TNRC6A: variants seen among roughly 807,000 people sequenced by gnomAD.
The protein encoded by TNRC6A is trinucleotide repeat-containing gene 6A protein.
A neutral mutation model predicts 221.2 loss-of-function variants in TNRC6A; 44 were observed. The observed-to-expected ratio is 0.20, with a 90% confidence interval of 0.16 to 0.26. TNRC6A has a LOEUF of 0.26. Ranked by LOEUF, TNRC6A falls within the 10% of genes least tolerant of loss-of-function variation. TNRC6A has a pLI of 1.00. For synonymous variants in TNRC6A, 847 were observed against 838.5 expected (o/e 1.01, Z -0.18); for missense variants, 2,199 against 2,404.4 (o/e 0.91, Z 1.79).
chr16:24,782,813 A>G (rs1247805863), intron 5 of TNRC6A, among the ~76,000 whole-genome samples: 1 of 152,106 alleles, frequency 6.6e-6, no homozygotes, highest in African/African-American at 2.4e-5. Context: ...CAGAGCTTAC[A>G]GTGAGCCGAG....
intron 1 of TNRC6A, among the ~76,000 whole-genome samples, chr16:24,632,696 G>C (rs1447037040): frequency 6.6e-6 from 1 of 152,008 alleles, no homozygotes; most frequent in East Asian, 1.9e-4. Context: ...ATCTACCAAT[G>C]AGTTGTCTTC....
chr16:24,736,796 A>G (rs1008714462), intron 2 of TNRC6A, among the ~76,000 whole-genome samples: 1 of 152,232 alleles, frequency 6.6e-6, no homozygotes, highest in African/African-American at 2.4e-5. Context: ...ATGCCAAACA[A>G]TTGGTTTAAA....
intron 11 of TNRC6A, among the ~76,000 whole-genome samples, chr16:24,801,544 T>C (rs1488918983): frequency 6.6e-6 from 1 of 151,082 alleles, no homozygotes; most frequent in Non-Finnish European, 1.5e-5. Flanking sequence ...TTTTTTTTTT[T>C]TTTTTTTGAG....
intron 1 of TNRC6A, among the ~76,000 whole-genome samples, chr16:24,616,693 GGC>G (rs1900368448): frequency 6.6e-6 from 1 of 152,198 alleles, no homozygotes; most frequent in Non-Finnish European, 1.5e-5. Context: ...CACTTTGGGA[GGC>G]TGAGAGGCGG....
chr16:24,772,058 T>A (rs989139501), intron 4 of TNRC6A, among the ~76,000 whole-genome samples: 1 of 152,250 alleles, frequency 6.6e-6, no homozygotes, highest in African/African-American at 2.4e-5. Flanking sequence ...ATTTACTCTC[T>A]CATCTTTACA....
intron 2 of TNRC6A, among the ~76,000 whole-genome samples, chr16:24,705,630 C>A (rs1374512705): frequency 6.6e-6 from 1 of 152,194 alleles, no homozygotes; most frequent in African/African-American, 2.4e-5. Context: ...CCGCACCCAG[C>A]CTTAGGTGAA....
At position 24,809,441 on chromosome 16, in the gene TNRC6A, T is replaced by C. The variant is rs1363891116; in HGVS notation, c.4632T>C (p.Ile1544=). 4 of 1,597,276 alleles carry C rather than the reference T, an allele frequency of 2.5e-6. No homozygotes were observed. Among genetic ancestry groups the C allele is most frequent in the Non-Finnish European group, 3.4e-6 (4 of 1,169,760 alleles). Residue 1544 remains isoleucine (I), a synonymous_variant, in exon 18 of 25, where the codon ATT becomes ATC. Coordinates refer to ENST00000395799, the MANE Select transcript of TNRC6A (RefSeq NM_014494.4). ...RLRKWTTVDS[I]SVNTSLDQNS... is the part of the protein sequence containing the mutation. The stretch of plus-strand genomic sequence containing the variant: ...GGAAGTGGACGACAGTGGACAGCAT[T>C]TCTGTGAACACATCTTTGGATCAAA...
intron 11 of TNRC6A, among the ~76,000 whole-genome samples, chr16:24,799,194 A>G (rs751321563): frequency 1.3e-4 from 20 of 152,192 alleles, no homozygotes; most frequent in Non-Finnish European, 7.3e-5. Flanking sequence ...TTCTATTTAC[A>G]AAATGTCAGT....
chr16:24,613,515 TTTTATTTTATTTTATTTA>T (rs1900183921), intron 1 of TNRC6A, among the ~76,000 whole-genome samples: 1 of 102,278 alleles, frequency 9.8e-6, no homozygotes, highest in Non-Finnish European at 2.1e-5. Flanking sequence ...TTTTATTTTA[TTTTATTTTATTTTATTTA>T]CTTATTTATT....
At chr16:24,710,609 A>C (rs1469147934) in intron 2 of TNRC6A, among the ~76,000 whole-genome samples, 1 of 152,156 alleles carries the variant, frequency 6.6e-6, no homozygotes, top group Non-Finnish European at 1.5e-5. Flanking sequence ...TCCAATCCTG[A>C]TGACATTCAC....
At chr16:24,664,397 ATTATAAATTTATTAAAT>A (rs2055100791) in intron 2 of TNRC6A, among the ~76,000 whole-genome samples, 1 of 146,710 alleles carries the variant, frequency 6.8e-6, no homozygotes, top group Non-Finnish European at 1.5e-5. Flanking sequence ...ATAAATTCAT[ATTATAAATTTATTAAAT>A]TTATAAATTT....
chr16:24,824,630 CA>C lies in TNRC6A; in HGVS notation c.*833del, dbSNP rs35671423. 36,273 of 145,562 alleles carry C rather than the reference CA, an allele frequency of 0.25. 4,821 individuals carry two copies. Among genetic ancestry groups the C allele is most frequent in the Non-Finnish European group, 0.32 (21,270 of 66,174 alleles). 9.0% of individuals were successfully genotyped at this position (145,562 alleles called of 1,614,324 possible). On this transcript the variant is annotated 3_prime_UTR_variant, in exon 25 of 25. Coordinates refer to ENST00000395799, the MANE Select transcript of TNRC6A (RefSeq NM_014494.4). ...CATCATTTAAAAAAAATGTAAAAGA[CA>C]AAAAAAAAATGGAGGATGATTTAAA...
chr16:24,765,822 C>T (rs574464178), intron 4 of TNRC6A, among the ~76,000 whole-genome samples: 4 of 152,020 alleles, frequency 2.6e-5, no homozygotes, highest in Admixed American at 6.6e-5. Flanking sequence ...TTTCTTTCCT[C>T]CTATTGTGAA....
chr16:24,775,204 T>C (rs1306077203), intron 4 of TNRC6A, among the ~76,000 whole-genome samples: 1 of 152,226 alleles, frequency 6.6e-6, no homozygotes, highest in Non-Finnish European at 1.5e-5. Context: ...CATTATATTG[T>C]CTGGGAGACA....
chr16:24,631,462 C>T (rs140558076), intron 1 of TNRC6A, among the ~76,000 whole-genome samples: 28 of 152,112 alleles, frequency 1.8e-4, no homozygotes, highest in African/African-American at 6.8e-4. Flanking sequence ...TCTCTTCCCA[C>T]TTATTGTAAA....
chr16:24,670,986 T>C (rs1023405803), intron 2 of TNRC6A: 2 of 407,992 alleles, frequency 4.9e-6, no homozygotes, highest in Non-Finnish European at 1.0e-5. Context: ...CTGGCCGTGA[T>C]CCCAGTCTCC....
At chr16:24,703,919 A>G (rs562917397) in intron 2 of TNRC6A, among the ~76,000 whole-genome samples, 4 of 151,924 alleles carry the variant, frequency 2.6e-5, no homozygotes, top group African/African-American at 9.7e-5. Flanking sequence ...CCCCACCTCT[A>G]CAAAAGATAG....
intron 2 of TNRC6A, among the ~76,000 whole-genome samples, chr16:24,722,034 C>T (rs74733906): frequency 0.011 from 1,658 of 152,044 alleles, 18 homozygotes; most frequent in Admixed American, 0.019. Flanking sequence ...AGAAGGGGCG[C>T]GAGGGAATTT....
chr16:24,817,394 G>A lies in TNRC6A; in HGVS notation c.4972+438G>A, dbSNP rs150614008. On this transcript the variant is annotated intron_variant, in intron 20 of 24. Coordinates refer to ENST00000395799, the MANE Select transcript of TNRC6A (RefSeq NM_014494.4). Reference sequence around the variant, plus strand: ...GATTATGGTAGTTTAAAAAATGGGTGTTTCTTGTAAAAGACGTTATATTAT... The same window carrying A: ...GATTATGGTAGTTTAAAAAATGGGTATTTCTTGTAAAAGACGTTATATTAT... Among the ~76,000 whole-genome samples the A allele has an allele frequency of 2.7e-3, 404 of 152,234 alleles. 4 individuals are homozygous for A. The highest frequency in any genetic ancestry group is 9.2e-3 in the African/African-American group (383 of 41,546).
Sources: allele counts gnomAD v4.1 joint callset (sites outside exome capture counted in the v4.1 genomes callset), GRCh38; gene constraint gnomAD v4.1.1; transcripts MANE v1.5; gene names NCBI Gene and HGNC (gene_info 2026-07-23, HGNC 2026-07-21).